The following SLC28A1 variants were observed in gnomAD, a reference collection of about 807,000 sequenced individuals.
SLC28A1 encodes sodium/nucleoside cotransporter 1.
Under a neutral mutation model 74.8 loss-of-function variants are expected in SLC28A1, and 64 were observed. The ratio of observed to expected loss-of-function variants is 0.86; its 90% CI spans 0.70 to 1.05. The LOEUF is 1.05. SLC28A1 is among the 50% of genes least tolerant of loss of function. The pLI is 0.00. For missense variants in SLC28A1, 828 were observed against 822.8 expected, an observed-to-expected ratio of 1.01 and a Z score of -0.08; for synonymous variants, 359 against 335.0, an observed-to-expected ratio of 1.07 and a Z score of -0.78.
the SLC28A1 span, among the ~76,000 whole-genome samples, chr15:84,956,715 G>A: frequency 1.3e-5 from 2 of 150,070 alleles, no homozygotes; most frequent in Non-Finnish European, 3.0e-5. Context: ...GTGTTGCTAA[G>A]GCTGATTTCA....
At chr15:84,923,729 T>C (rs1392165907) in intron 11 of SLC28A1, among the ~76,000 whole-genome samples, 1 of 152,138 alleles carries the variant, frequency 6.6e-6, no homozygotes, top group Non-Finnish European at 1.5e-5. Flanking sequence ...GGTGACGTGC[T>C]TAGCGGGGTG....
In SLC28A1 at chr15:84,944,576, C is replaced by T. The variant is rs776644427; in HGVS notation, c.1674C>T (p.Val558=). The T allele has an allele frequency of 2.0e-5, 33 of 1,612,818 alleles. No individual in the cohort carries two copies. Among genetic ancestry groups the T allele is most frequent in the Non-Finnish European group, 2.6e-5 (31 of 1,178,930 alleles). ...TCTGTCCCCTTGCAGCCTCCATGGTCCCCCAACGGAAGAGCGACTTCTCCC... is the reference window on the plus strand; with the variant it reads ...TCTGTCCCCTTGCAGCCTCCATGGTTCCCCAACGGAAGAGCGACTTCTCCC... The part of the protein sequence containing the change: ...GIMLGGLTSM[V]PQRKSDFSQI... The change falls in exon 17 of 19, where the codon GTC becomes GTT. Residue 558 remains valine (V), a synonymous_variant. Transcript: ENST00000394573.
At chr15:84,916,626 T>A (rs1438116975) in intron 9 of SLC28A1, among the ~76,000 whole-genome samples, 1 of 152,150 alleles carries the variant, frequency 6.6e-6, no homozygotes, top group African/African-American at 2.4e-5. Flanking sequence ...GCTGCCCACT[T>A]GGTATTCCAC....
the SLC28A1 span, among the ~76,000 whole-genome samples, chr15:84,964,857 G>T: frequency 6.6e-6 from 1 of 152,222 alleles, no homozygotes; most frequent in Non-Finnish European, 1.5e-5. Context: ...TGCTGTAGCT[G>T]CAAGGGAGGC....
chr15:84,938,678 C>A (rs1972258776), intron 15 of SLC28A1, among the ~76,000 whole-genome samples: 2 of 150,262 alleles, frequency 1.3e-5, no homozygotes, highest in Admixed American at 6.6e-5. Context: ...GAGACACAGG[C>A]AAAACACAAG....
chr15:84,942,359 T>C (rs904441787), intron 15 of SLC28A1, among the ~76,000 whole-genome samples: 7 of 152,364 alleles, frequency 4.6e-5, no homozygotes, highest in African/African-American at 1.7e-4. Flanking sequence ...TGTTGTGCTA[T>C]AAAATATTAG....
rs116966487 is a variant in SLC28A1, at chr15:84,886,878, C to T, written c.-17+91C>T. ...CCCAGGCTCTGCCTGTGTGTGTGCA[C>T]GCACATGCACGGGTCTCTGAGTATG... On this transcript the variant is annotated intron_variant, in intron 2 of 18. Transcript: ENST00000394573. The T allele has an allele frequency of 6.9e-3, 4,134 of 600,904 alleles. 12 individuals carry two copies. The highest frequency in any genetic ancestry group is 8.0e-3 in the Non-Finnish European group (3,829 of 478,520). The allele number at this position is 600,904 out of a possible 1,614,324, so 37.2% of individuals were successfully genotyped here. A position where few individuals can be genotyped will look rare whatever the true frequency, so the allele number is the denominator to read the frequency against.
chr15:84,961,428 C>G, the SLC28A1 span: 1 of 440,348 alleles, frequency 2.3e-6, no homozygotes, highest in Non-Finnish European at 4.5e-6. Context: ...ACCTCCTGGG[C>G]TCAAGGGATC....
intron 5 of SLC28A1, among the ~76,000 whole-genome samples, chr15:84,894,145 G>A (rs1377701544): frequency 6.6e-6 from 1 of 152,110 alleles, no homozygotes; most frequent in Non-Finnish European, 1.5e-5. Flanking sequence ...GCTGAGGTGG[G>A]CGGATCACTT....
intron 4 of SLC28A1, 42 bp from the exon 5 acceptor site, chr15:84,890,401 G>C: frequency 1.4e-6 from 2 of 1,427,026 alleles, no homozygotes; most frequent in Non-Finnish European, 1.9e-6. Flanking sequence ...CCCAGATGGG[G>C]TCTGCTCATG....
At chr15:84,889,719 TCC>T (rs2141638257) in intron 4 of SLC28A1, among the ~76,000 whole-genome samples, 1 of 63,500 alleles carries the variant, frequency 1.6e-5, no homozygotes, top group East Asian at 6.5e-4. Flanking sequence ...TTTCCTTCCT[TCC>T]TTCCTTCCTT....
chr15:84,944,897 G>A (rs2305366), intron 18 of SLC28A1, 30 bp downstream of exon 18: 360,680 of 1,473,846 alleles, frequency 0.24, 47,645 homozygotes, highest in South Asian at 0.45. Context: ...GACCTGCAGG[G>A]CACCCACAGT....
chr15:84,891,259 C>T (rs896282244), intron 5 of SLC28A1, among the ~76,000 whole-genome samples: 1 of 151,988 alleles, frequency 6.6e-6, no homozygotes. Flanking sequence ...GGAAGGTGGG[C>T]GGGGGCAATG....
chr15:84,895,232 G>T, intron 6 of SLC28A1, 109 bp downstream of exon 6: 1 of 1,578,434 alleles, frequency 6.3e-7, no homozygotes, highest in East Asian at 2.3e-5. Context: ...CTGTGTCATG[G>T]AGAACTCTCT....
the SLC28A1 span, among the ~76,000 whole-genome samples, chr15:84,972,703 A>T: frequency 0.078 from 11,877 of 152,234 alleles, 754 homozygotes; most frequent in African/African-American, 0.17. Flanking sequence ...ACTCCTTTGG[A>T]CTTTCAAGAC....
chr15:84,927,163 G>A (rs1344125752), intron 12 of SLC28A1, among the ~76,000 whole-genome samples: 1 of 152,068 alleles, frequency 6.6e-6, no homozygotes, highest in Non-Finnish European at 1.5e-5. Context: ...CATTAAAACT[G>A]GTGCACCCAC....
chr15:84,890,120 C>T (rs1209099752), intron 4 of SLC28A1, among the ~76,000 whole-genome samples: 1 of 75,952 alleles, frequency 1.3e-5, no homozygotes, highest in Non-Finnish European at 4.2e-5. Flanking sequence ...CTGGTGTGAG[C>T]CACCGCGCCC....
intron 6 of SLC28A1, chr15:84,895,524 G>A (rs1596221385): frequency 1.3e-6 from 2 of 1,560,830 alleles, no homozygotes; most frequent in East Asian, 4.8e-5. Flanking sequence ...TTTTTCATTA[G>A]CCTCCAGGGG....
At chr15:84,972,065 C>T in the SLC28A1 span, among the ~76,000 whole-genome samples, 1 of 152,362 alleles carries the variant, frequency 6.6e-6, no homozygotes, top group South Asian at 2.1e-4. Flanking sequence ...CCATACATGT[C>T]ATTGCTGAGC....
Sources: gnomAD v4.1 joint callset for allele counts (sites outside exome capture counted in the v4.1 genomes callset) on GRCh38, gnomAD v4.1.1 for gene constraint, MANE v1.5 for transcripts, NCBI Gene and HGNC (gene_info 2026-07-23, HGNC 2026-07-21) for gene names.